Variants in ITGAE observed in about 807,000 individuals in gnomAD.
The protein encoded by ITGAE is integrin alpha-E.
Under a neutral mutation model 136.5 loss-of-function variants are expected in ITGAE, and 99 were observed. The ratio of observed to expected loss-of-function variants is 0.73; its 90% confidence interval spans 0.62 to 0.86. The LOEUF is 0.86. Ranked by LOEUF, ITGAE falls within the 40% of genes least tolerant of loss-of-function variation. The probability of loss-of-function intolerance (pLI) is 0.00; values close to 1 mark genes in which losing one functional copy is unlikely to be tolerated. For missense variants in ITGAE, 1,447 were observed against 1,515.3 expected, an observed-to-expected ratio of 0.95 and a Z score of 0.75; for synonymous variants, 613 against 591.8, an observed-to-expected ratio of 1.04 and a Z score of -0.52.
chr17:3,792,721 C>A (rs2052973120), intron 1 of ITGAE, among the ~76,000 whole-genome samples: 1 of 152,194 alleles, frequency 6.6e-6, no homozygotes, highest in African/African-American at 2.4e-5. Context: ...TTAATAAAAT[C>A]ATTTGTTGAT....
rs116152231 is a variant in ITGAE at position 3,763,181 on chromosome 17, C to T, written c.247+688G>A. On this transcript the variant is annotated intron_variant, in intron 3 of 30. Coordinates refer to ENST00000263087, the MANE Select transcript of ITGAE (RefSeq NM_002208.5). The stretch of plus-strand genomic sequence containing the variant: ...GTGCTAAGATTACAGGCGTGAGCCA[C>T]GGCGCCCAGCCTCAGACAAGACAAG... 1.8e-3 allele frequency among the ~76,000 whole-genome samples: 271 copies of T among 152,282 alleles called. 3 individuals are homozygous for T. The highest frequency in any genetic ancestry group is 6.1e-3 in the African/African-American group (255 of 41,562).
At position 3,751,785 on chromosome 17, in the gene ITGAE, A is replaced by T; in HGVS notation, c.1758T>A (p.Asp586Glu). 6.2e-7 allele frequency: 1 copy of T among 1,614,074 alleles called. No individual in the cohort carries two copies. The highest frequency in any genetic ancestry group is 1.1e-5 in the South Asian group (1 of 91,078). ...RFGFAMAAMG[D>E]LSQDKLTDVA... ...CATCTGTGAGCTTATCCTGACTGAG[A>T]TCCCCCATAGCCGCCATGGCAAAGC... Residue 586 changes from aspartate (D) to glutamate (E), a missense_variant, in exon 15 of 31, where the codon GAT (aspartate) becomes GAA (glutamate). Coordinates refer to ENST00000263087, the MANE Select transcript of ITGAE (RefSeq NM_002208.5).
At position 3,734,779 on chromosome 17, in the gene ITGAE, C is replaced by CGTGA. The variant is rs772805127; in HGVS notation, c.2655+34_2655+37dup. On this transcript the variant is annotated intron_variant, in intron 21 of 30. Coordinates refer to ENST00000263087, the MANE Select transcript of ITGAE (RefSeq NM_002208.5). The stretch of plus-strand genomic sequence containing the variant: ...AAGCAGGCATGCAGCGAGGGAGGGG[C>CGTGA]GTGAGGGACCTGTTTCCACAGCCAC... 3 of 1,612,130 alleles carry CGTGA rather than the reference C, an allele frequency of 1.9e-6. No individual in the cohort carries two copies. The South Asian group carries it at 3.3e-5, about 18-fold the overall frequency.
chr17:3,730,331 G>C (rs573435971), intron 23 of ITGAE: 1 of 152,226 alleles, frequency 6.6e-6, no homozygotes, highest in Non-Finnish European at 1.5e-5. Context: ...GCGGGCGCCT[G>C]TAATCCCAGC....
intron 1 of ITGAE, among the ~76,000 whole-genome samples, chr17:3,797,391 T>C (rs2053144448): frequency 6.6e-6 from 1 of 151,230 alleles, no homozygotes; most frequent in Admixed American, 6.6e-5. Flanking sequence ...GGTCTCGATC[T>C]CCTGACCTCA....
intron 3 of ITGAE, 114 bp downstream of exon 3, chr17:3,763,755 G>T (rs1411106145): frequency 7.3e-6 from 6 of 826,336 alleles, no homozygotes; most frequent in African/African-American, 1.7e-5. Flanking sequence ...GAGTCTAGGG[G>T]TGAACGGGCT....
At chr17:3,754,858 T>C (rs1597335834) in intron 12 of ITGAE, among the ~76,000 whole-genome samples, 2 of 45,776 alleles carry the variant, frequency 4.4e-5, no homozygotes, top group African/African-American at 1.9e-4. Context: ...GGCCCCGCCC[T>C]CTCCCAGGTA....
At chr17:3,756,006 G>A (rs2143026098) in intron 10 of ITGAE, 109 bp from the exon 11 acceptor site, 1 of 1,049,684 alleles carries the variant, frequency 9.5e-7, no homozygotes. Context: ...CATGCTTGGT[G>A]TAACAGGAAG....
chr17:3,748,357 G>A (rs1380037013), intron 16 of ITGAE, among the ~76,000 whole-genome samples: 17 of 152,162 alleles, frequency 1.1e-4, no homozygotes, highest in South Asian at 8.3e-4. Context: ...AGGCCGAGGC[G>A]GGAGGATCAC....
chr17:3,717,190 G>A (rs561267998), intron 29 of ITGAE: 79 of 164,334 alleles, frequency 4.8e-4, no homozygotes, highest in African/African-American at 1.8e-3. Flanking sequence ...TCTTTAAAAT[G>A]ATGACTTCCT....
rs374344444 is a variant in ITGAE at position 3,770,106 on chromosome 17, C to A, written c.156-6146G>T. On this transcript the variant is annotated intron_variant, in intron 2 of 30. Coordinates refer to ENST00000263087, the MANE Select transcript of ITGAE (RefSeq NM_002208.5). ...CCTGTCCTGTTCTCAGGGTTTATTTCTTTCTTTCTTTTTTTTTTTTTTCTT... is the reference window on the plus strand; with the variant it reads ...CCTGTCCTGTTCTCAGGGTTTATTTATTTCTTTCTTTTTTTTTTTTTTCTT... 1.7e-3 allele frequency among the ~76,000 whole-genome samples: 257 copies of A among 149,276 alleles called. 1 individual carries two copies. Among genetic ancestry groups the A allele is most frequent in the South Asian group, 0.015 (70 of 4,710 alleles).
chr17:3,800,525 G>C (rs1365488621), intron 1 of ITGAE, among the ~76,000 whole-genome samples: 1 of 152,214 alleles, frequency 6.6e-6, no homozygotes. Context: ...CCATGGGACA[G>C]TTAAAGGCTA....
chr17:3,728,503 G>A (rs2051268561), intron 24 of ITGAE: 1 of 202,068 alleles, frequency 4.9e-6, no homozygotes. Flanking sequence ...CCCCCAAGTA[G>A]CTGAGATTAC....
chr17:3,725,063 G>C (rs1597300617), intron 26 of ITGAE: 2 of 1,614,214 alleles, frequency 1.2e-6, no homozygotes, highest in Non-Finnish European at 1.7e-6. Context: ...CTCCTTTACA[G>C]AATGTCTGCT....
intron 1 of ITGAE, among the ~76,000 whole-genome samples, chr17:3,791,693 G>T (rs905178061): frequency 6.6e-6 from 1 of 152,132 alleles, no homozygotes; most frequent in African/African-American, 2.4e-5. Context: ...TGAGTCATCG[G>T]AGATCTTGTT....
intron 1 of ITGAE, among the ~76,000 whole-genome samples, chr17:3,787,354 C>T (rs1309517592): frequency 5.9e-5 from 9 of 152,082 alleles, no homozygotes; most frequent in African/African-American, 1.9e-4. Context: ...TCAGGTGATC[C>T]GCCCACCTCA....
intron 20 of ITGAE, 95 bp downstream of exon 20, chr17:3,739,710 G>A: frequency 2.0e-6 from 2 of 1,017,676 alleles, no homozygotes; most frequent in Non-Finnish European, 3.1e-6. Context: ...GGGGAGAGGG[G>A]AAGGGGATGT....
intron 26 of ITGAE, chr17:3,724,564 TCTCC>T (rs1194089362): frequency 6.2e-7 from 1 of 1,613,904 alleles, no homozygotes; most frequent in South Asian, 1.1e-5. Context: ...CTCCCAGAAG[TCTCC>T]CTGGACCGAG....
chr17:3,737,990 G>A (rs1024674461), intron 20 of ITGAE, among the ~76,000 whole-genome samples: 2 of 152,182 alleles, frequency 1.3e-5, no homozygotes, highest in African/African-American at 2.4e-5. Flanking sequence ...CTGCTTGTTA[G>A]CCTGGATTCC....
Sources: allele counts gnomAD v4.1 joint callset (sites outside exome capture counted in the v4.1 genomes callset), GRCh38; gene constraint gnomAD v4.1.1; transcripts MANE v1.5; gene names NCBI Gene and HGNC (gene_info 2026-07-23, HGNC 2026-07-21).